TEX26: variants seen among roughly 807,000 people sequenced by gnomAD.
TEX26 encodes testis expressed 26.
TEX26 carries 34 observed loss-of-function variants against 35.3 expected under a neutral mutation model. The observed-to-expected ratio is 0.96, with a 90% CI of 0.73 to 1.28. TEX26 has a LOEUF of 1.28. Ranked by LOEUF, TEX26 falls within the 50% of genes most tolerant of loss-of-function variation. The pLI is 0.00. For missense variants in TEX26, 371 were observed against 330.1 expected, an observed-to-expected ratio of 1.12 and a Z score of -0.96; for synonymous variants, 136 against 111.8, an observed-to-expected ratio of 1.22 and a Z score of -1.36.
At chr13:30,971,684 G>A (rs1250928547) in intron 6 of TEX26, among the ~76,000 whole-genome samples, 1 of 152,226 alleles carries the variant, frequency 6.6e-6, no homozygotes, top group African/African-American at 2.4e-5. Context: ...TATAACTTGA[G>A]GAGGTTGAAC....
At chr13:30,947,799 T>C (rs1436313819) in intron 2 of TEX26, among the ~76,000 whole-genome samples, 1 of 152,194 alleles carries the variant, frequency 6.6e-6, no homozygotes, top group Non-Finnish European at 1.5e-5. Context: ...ACAGGTTTGC[T>C]ACATATGTAT....
chr13:30,941,000 T>C (rs1201753686), intron 2 of TEX26, among the ~76,000 whole-genome samples: 2 of 152,160 alleles, frequency 1.3e-5, no homozygotes, highest in Non-Finnish European at 2.9e-5. Context: ...AAGTGGAGTA[T>C]TGGTAAGACC....
At chr13:30,942,701 T>G (rs945259352) in intron 2 of TEX26, among the ~76,000 whole-genome samples, 3 of 151,172 alleles carry the variant, frequency 2.0e-5, no homozygotes, top group African/African-American at 7.3e-5. Context: ...AGGTGAGAGA[T>G]GCTAGCCAAT....
At chr13:30,945,222 G>A (rs1411776867) in intron 2 of TEX26, among the ~76,000 whole-genome samples, 1 of 151,208 alleles carries the variant, frequency 6.6e-6, no homozygotes, top group Non-Finnish European at 1.5e-5. Flanking sequence ...TTTTTTTACT[G>A]TTGTTGCTTT....
chr13:30,947,351 A>G (rs1163036422), intron 2 of TEX26, among the ~76,000 whole-genome samples: 1 of 152,104 alleles, frequency 6.6e-6, no homozygotes, highest in East Asian at 1.9e-4. Flanking sequence ...TATAGATTTT[A>G]ATGTTAAGAA....
intron 4 of TEX26, among the ~76,000 whole-genome samples, chr13:30,963,259 G>A (rs1954414465): frequency 6.6e-6 from 1 of 152,138 alleles, no homozygotes; most frequent in Non-Finnish European, 1.5e-5. Flanking sequence ...TACTCCAGTG[G>A]AAAAGAAACC....
intron 1 of TEX26, among the ~76,000 whole-genome samples, chr13:30,935,697 A>C (rs569246359): frequency 1.1e-4 from 16 of 152,346 alleles, no homozygotes; most frequent in Non-Finnish European, 1.3e-4. Flanking sequence ...TACGCTGCCT[A>C]GGGCCTCCTC....
chr13:30,960,616 G>C (rs1954302737), intron 4 of TEX26, among the ~76,000 whole-genome samples: 1 of 152,082 alleles, frequency 6.6e-6, no homozygotes, highest in African/African-American at 2.4e-5. Flanking sequence ...TAATTTCTAA[G>C]CTCTCTTTCT....
rs761287481 is a variant in TEX26, at chr13:30,969,062, A to T, written c.808+16A>T. The T allele has an allele frequency of 6.2e-7, 1 of 1,606,866 alleles. No individual in the cohort carries two copies. Among genetic ancestry groups the T allele is most frequent in the Non-Finnish European group, 8.5e-7 (1 of 1,176,418 alleles). ...TCCTACAAAGGTAAGATGAGGTCTTATTTCACACACTTACAGATCACAATA... is the reference window on the plus strand; with the variant it reads ...TCCTACAAAGGTAAGATGAGGTCTTTTTTCACACACTTACAGATCACAATA... On this transcript the variant is annotated intron_variant, in intron 6 of 6. Transcript: ENST00000380473.
intron 6 of TEX26, 91 bp from the exon 7 acceptor site, chr13:30,974,755 T>C (rs2138369063): frequency 7.9e-7 from 1 of 1,266,628 alleles, no homozygotes; most frequent in Non-Finnish European, 1.1e-6. Context: ...AGTAATATTA[T>C]CAGATATTTT....
chr13:30,954,096 A>G (rs1225651027), intron 3 of TEX26, among the ~76,000 whole-genome samples: 2 of 152,006 alleles, frequency 1.3e-5, no homozygotes, highest in Non-Finnish European at 2.9e-5. Flanking sequence ...TTGGTTGAAG[A>G]TGTGTCCAAC....
chr13:30,951,315 C>A (rs2138240883), intron 2 of TEX26, among the ~76,000 whole-genome samples: 1 of 150,798 alleles, frequency 6.6e-6, no homozygotes, highest in South Asian at 2.1e-4. Context: ...ATGATGGTAC[C>A]ACTGCACTCC....
rs758360081 is a variant in TEX26 at position 30,932,667 on chromosome 13, G to A, written c.-49G>A. 2 of 1,596,096 alleles carry A rather than the reference G, an allele frequency of 1.3e-6. No homozygotes were observed. The highest frequency in any genetic ancestry group is 2.7e-5 in the African/African-American group (2 of 74,604). ...ACAAAGCAGCCCGCGGCTCCCGCAA[G>A]CGCTGAGATAGCTGGAGCCAGGGCC... On this transcript the variant is annotated 5_prime_UTR_variant, in exon 1 of 7. Transcript: ENST00000380473.
chr13:30,940,795 G>A (rs1045146931), intron 2 of TEX26, among the ~76,000 whole-genome samples: 1 of 151,994 alleles, frequency 6.6e-6, no homozygotes, highest in Non-Finnish European at 1.5e-5. Context: ...AAAATTAGCC[G>A]GGTGTGGTGG....
intron 5 of TEX26, among the ~76,000 whole-genome samples, chr13:30,967,481 A>T (rs1954579512): frequency 6.6e-6 from 1 of 152,298 alleles, no homozygotes; most frequent in South Asian, 2.1e-4. Context: ...CACTGGTTCC[A>T]CTTCTTCCCA....
chr13:30,969,710 C>G lies in TEX26; in HGVS notation c.808+664C>G, dbSNP rs868706325. Reference sequence around the variant, plus strand: ...ATCCTACGTGAGGGATCACACACCCCCTATTCCCCCTCATTTGTGAGTACA... The same window carrying G: ...ATCCTACGTGAGGGATCACACACCCGCTATTCCCCCTCATTTGTGAGTACA... On this transcript the variant is annotated intron_variant, in intron 6 of 6. Coordinates refer to ENST00000380473, the MANE Select transcript of TEX26 (RefSeq NM_152325.3). 3.3e-5 allele frequency among the ~76,000 whole-genome samples: 5 copies of G among 152,132 alleles called. No individual in the cohort carries two copies. The South Asian group carries it at 8.3e-4, about 25-fold the overall frequency.
At chr13:30,951,945 C>CT (rs71096306) in intron 2 of TEX26, among the ~76,000 whole-genome samples, 94,312 of 122,838 alleles carry the variant, frequency 0.77, 36,915 homozygotes, top group Admixed American at 0.8. Flanking sequence ...AGAAAGAGAA[C>CT]TTTTTTTTTT....
intron 1 of TEX26, among the ~76,000 whole-genome samples, chr13:30,939,103 A>G (rs1953381546): frequency 6.6e-6 from 1 of 152,266 alleles, no homozygotes; most frequent in African/African-American, 2.4e-5. Context: ...TTGTGAAACA[A>G]AATGTTGATA....
chr13:30,934,952 G>A (rs952265514), intron 1 of TEX26, among the ~76,000 whole-genome samples: 1 of 152,230 alleles, frequency 6.6e-6, no homozygotes, highest in Non-Finnish European at 1.5e-5. Flanking sequence ...GGACAAGTGG[G>A]AGCTTTGCCT....
Sources: allele counts gnomAD v4.1 joint callset (sites outside exome capture counted in the v4.1 genomes callset), GRCh38; gene constraint gnomAD v4.1.1; transcripts MANE v1.5; gene names NCBI Gene and HGNC (gene_info 2026-07-23, HGNC 2026-07-21).